Variants in FAM200B observed in about 807,000 individuals in gnomAD.
FAM200B encodes zinc finger BED-type containing 11.
In FAM200B, 32 loss-of-function variants were observed where a neutral mutation model predicts 33.1. The ratio of observed to expected loss-of-function variants is 0.97; its 90% CI spans 0.73 to 1.30. FAM200B has a LOEUF of 1.30. Among genes scored for constraint, FAM200B ranks in the 50% most tolerant of loss-of-function variants. FAM200B has a pLI of 0.00. For synonymous variants in FAM200B, 240 were observed against 264.8 expected (o/e 0.91, Z 0.91); for missense variants, 741 against 754.0 (o/e 0.98, Z 0.20).
the FAM200B span, among the ~76,000 whole-genome samples, chr4:15,672,959 C>T: frequency 6.6e-6 from 1 of 152,018 alleles, no homozygotes; most frequent in Non-Finnish European, 1.5e-5. Context: ...TACACAGGGT[C>T]ACAATCAACA....
At chr4:15,656,241 C>CT in the FAM200B span, 1 of 456,134 alleles carries the variant, frequency 2.2e-6, no homozygotes, top group Non-Finnish European at 4.4e-6. Flanking sequence ...AGGAAAATGT[C>CT]TGCCTCTTTC....
the FAM200B span, among the ~76,000 whole-genome samples, chr4:15,652,289 A>G: frequency 3.4e-4 from 52 of 152,332 alleles, no homozygotes; most frequent in African/African-American, 1.1e-3. Context: ...AACTACTATG[A>G]TTTAATATAA....
chr4:15,638,825 G>A, the FAM200B span: 4 of 581,364 alleles, frequency 6.9e-6, no homozygotes, highest in East Asian at 6.3e-5. Flanking sequence ...AATTTTAGCT[G>A]TCACCACTGA....
chr4:15,669,393 A>G, the FAM200B span, among the ~76,000 whole-genome samples: 35 of 152,318 alleles, frequency 2.3e-4, no homozygotes, highest in African/African-American at 8.4e-4. Flanking sequence ...TCATATATGT[A>G]GTGTTTTGTT....
At chr4:15,643,464 A>C in the FAM200B span, among the ~76,000 whole-genome samples, 1 of 152,232 alleles carries the variant, frequency 6.6e-6, no homozygotes, top group Non-Finnish European at 1.5e-5. Flanking sequence ...TCATTATCCT[A>C]AACTATACCC....
At chr4:15,680,819 AT>A (rs1718216724), upstream of FAM200B, among the ~76,000 whole-genome samples, 1 of 151,590 alleles carries the variant, frequency 6.6e-6, no homozygotes. Context: ...AAGCTCCTGT[AT>A]CTAACATGTT....
At chr4:15,675,695 C>A in the FAM200B span, among the ~76,000 whole-genome samples, 1 of 151,020 alleles carries the variant, frequency 6.6e-6, no homozygotes, top group Non-Finnish European at 1.5e-5. Flanking sequence ...AATTCTCCTG[C>A]CTCAGCCTCC....
At chr4:15,655,056 G>A in the FAM200B span, 1 of 442,560 alleles carries the variant, frequency 2.3e-6, no homozygotes, top group East Asian at 8.2e-5. Context: ...CTGCGGGAGC[G>A]GGCGGCGCTG....
At chr4:15,668,993 T>G in the FAM200B span, among the ~76,000 whole-genome samples, 1 of 152,214 alleles carries the variant, frequency 6.6e-6, no homozygotes, top group Non-Finnish European at 1.5e-5. Flanking sequence ...ATAATCCACC[T>G]TGTTGAAAAT....
the FAM200B span, among the ~76,000 whole-genome samples, chr4:15,674,598 C>G: frequency 1.3e-5 from 2 of 151,762 alleles, no homozygotes; most frequent in African/African-American, 4.8e-5. Flanking sequence ...CTTCTTTTCT[C>G]CTTATCAACT....
At position 15,687,839 on chromosome 4, in the gene FAM200B, T is replaced by C. The variant is rs1719029432; in HGVS notation, c.862T>C (p.Trp288Arg). The C allele has an allele frequency of 6.4e-7, 1 of 1,551,140 alleles. No individual in the cohort carries two copies. Among genetic ancestry groups the C allele is most frequent in the African/African-American group, 1.4e-5 (1 of 73,010 alleles). ...RRIVGQYKLN[W>R]KNCKGITSDG... ...CATAGTTGGCCAATATAAATTAAACTGGAAAAACTGTAAAGGAATTACAAG... is the reference window on the plus strand; with the variant it reads ...CATAGTTGGCCAATATAAATTAAACCGGAAAAACTGTAAAGGAATTACAAG... Residue 288 changes from tryptophan (W) to arginine (R), a missense_variant, in exon 2 of 2, where the codon TGG becomes CGG. Coordinates refer to ENST00000422728, the MANE Select transcript of FAM200B (RefSeq NM_001145191.2).
the FAM200B span, among the ~76,000 whole-genome samples, chr4:15,646,677 C>T: frequency 7.3e-5 from 11 of 150,928 alleles, no homozygotes; most frequent in Middle Eastern, 3.4e-3. Context: ...GGTATATCTC[C>T]CAATGCTATC....
chr4:15,656,193 T>C, the FAM200B span: 1 of 456,246 alleles, frequency 2.2e-6, no homozygotes, highest in Non-Finnish European at 4.4e-6. Context: ...CCCGCCATTT[T>C]AAGCGGAGGT....
the FAM200B span, among the ~76,000 whole-genome samples, chr4:15,670,665 T>C: frequency 1.3e-5 from 2 of 150,342 alleles, no homozygotes; most frequent in Admixed American, 6.6e-5. Flanking sequence ...CACTGGGCAA[T>C]GTCAGGAGTT....
chr4:15,656,260 C>T, the FAM200B span: 1 of 456,212 alleles, frequency 2.2e-6, no homozygotes, highest in Non-Finnish European at 4.4e-6. Context: ...TCCCATAAAT[C>T]GCCTGGCCCT....
the FAM200B span, among the ~76,000 whole-genome samples, chr4:15,638,240 A>G: frequency 6.6e-6 from 1 of 152,212 alleles, no homozygotes; most frequent in Non-Finnish European, 1.5e-5. Context: ...GTGGTTTTCA[A>G]TAATTTTGAT....
chr4:15,638,409 T>C, the FAM200B span: 2 of 794,342 alleles, frequency 2.5e-6, no homozygotes, highest in South Asian at 2.2e-5. Context: ...AGTGCAGGCC[T>C]AACTTGAATT....
the FAM200B span, among the ~76,000 whole-genome samples, chr4:15,674,888 A>T: frequency 6.6e-6 from 1 of 152,126 alleles, no homozygotes; most frequent in African/African-American, 2.4e-5. Context: ...TGACCTTGTG[A>T]TCCGTCTGCC....
upstream of FAM200B, among the ~76,000 whole-genome samples, chr4:15,678,839 G>A (rs1226527583): frequency 6.6e-6 from 1 of 152,060 alleles, no homozygotes; most frequent in Non-Finnish European, 1.5e-5. Context: ...GTGAAATGAT[G>A]TAATAAACTG....
Sources: allele counts gnomAD v4.1 joint callset (sites outside exome capture counted in the v4.1 genomes callset), GRCh38; gene constraint gnomAD v4.1.1; transcripts MANE v1.5; gene names NCBI Gene and HGNC (gene_info 2026-07-23, HGNC 2026-07-21).